The following ARID5B variants were observed in gnomAD, a reference collection of about 807,000 sequenced individuals.
The protein encoded by ARID5B is AT-rich interaction domain 5B.
A neutral mutation model predicts 97.2 loss-of-function variants in ARID5B; 13 were observed. The ratio of observed to expected loss-of-function variants is 0.13; its 90% CI spans 0.09 to 0.21. The LOEUF (loss-of-function observed/expected upper bound fraction) is 0.21. Ranked by LOEUF, ARID5B falls within the 10% of genes least tolerant of loss-of-function variation. The pLI, the probability that ARID5B is intolerant of heterozygous loss-of-function variation, is 1.00. For synonymous variants in ARID5B, 556 were observed against 570.3 expected (o/e 0.97, Z 0.36); for missense variants, 1,210 against 1,465.3 (o/e 0.83, Z 2.84).
intron 3 of ARID5B, among the ~76,000 whole-genome samples, chr10:61,989,729 T>C (rs959156602): frequency 6.6e-6 from 1 of 152,234 alleles, no homozygotes; most frequent in African/African-American, 2.4e-5. Flanking sequence ...CGTTAACCTT[T>C]ATTAGTTTGG....
At chr10:62,017,537 G>A (rs544437567) in intron 4 of ARID5B, among the ~76,000 whole-genome samples, 55 of 151,924 alleles carry the variant, frequency 3.6e-4, no homozygotes, top group African/African-American at 1.2e-3. Context: ...TCTGAGTCAG[G>A]CCACATATTA....
intron 2 of ARID5B, among the ~76,000 whole-genome samples, chr10:61,924,401 G>T (rs1844067527): frequency 6.6e-6 from 1 of 152,198 alleles, no homozygotes; most frequent in Non-Finnish European, 1.5e-5. Context: ...TTTGACTGAA[G>T]CCTGAATCAT....
At chr10:61,956,105 C>T (rs1250255362) in intron 3 of ARID5B, among the ~76,000 whole-genome samples, 2 of 152,064 alleles carry the variant, frequency 1.3e-5, no homozygotes, top group Non-Finnish European at 2.9e-5. Context: ...AACAGGGGTC[C>T]CCAATCCCCG....
At position 62,015,462 on chromosome 10, in the gene ARID5B, C is replaced by G. The variant is rs192492645; in HGVS notation, c.733+15141C>G. 5.3e-5 allele frequency among the ~76,000 whole-genome samples: 8 copies of G among 152,282 alleles called. 1 individual carries two copies. The South Asian group carries it at 1.4e-3, about 28-fold the overall frequency. On this transcript the variant is annotated intron_variant, in intron 4 of 9. Coordinates refer to ENST00000279873, the MANE Select transcript of ARID5B (RefSeq NM_032199.3). ...TCTTTTCAGTAGCCTATCAACTGTT[C>G]TAATTCATTTAAATAATGATTATGA...
Position 62,000,071 on chromosome 10 carries a change from G to C in ARID5B, c.503-20G>C, listed in dbSNP as rs746180814. On this transcript the variant is annotated intron_variant, in intron 3 of 9. Coordinates refer to ENST00000279873, the MANE Select transcript of ARID5B (RefSeq NM_032199.3). The surrounding 1 kb of genome is among the most constrained non-coding windows in gnomAD (Gnocchi z 4.4). Reference sequence around the variant, plus strand: ...TGTCAGAGGGAAGAGGGTAATGGAAGTGTTTTCTCGTTTGTCTAGGGGAGG... The same window carrying C: ...TGTCAGAGGGAAGAGGGTAATGGAACTGTTTTCTCGTTTGTCTAGGGGAGG... 3 of 1,609,062 alleles carry C rather than the reference G, an allele frequency of 1.9e-6. No individual in the cohort carries two copies. The highest frequency in any genetic ancestry group is 2.6e-6 in the Non-Finnish European group (3 of 1,175,720).
intron 2 of ARID5B, among the ~76,000 whole-genome samples, chr10:61,914,739 T>C: frequency 6.6e-6 from 1 of 152,242 alleles, no homozygotes; most frequent in East Asian, 1.9e-4. Flanking sequence ...ACATATAAAT[T>C]AAATATAAAT....
At chr10:62,037,042 A>G (rs568657496) in intron 4 of ARID5B, among the ~76,000 whole-genome samples, 2 of 152,342 alleles carry the variant, frequency 1.3e-5, no homozygotes, top group South Asian at 4.1e-4. Flanking sequence ...TTGTCTTGTC[A>G]TGACTCTCCG....
At chr10:61,920,102 A>G (rs77285807) in intron 2 of ARID5B, among the ~76,000 whole-genome samples, 1 of 152,122 alleles carries the variant, frequency 6.6e-6, no homozygotes, top group Non-Finnish European at 1.5e-5. Flanking sequence ...ATATTGAGAT[A>G]TCTCAGTTGT....
rs1839388540 is a variant in ARID5B, at chr10:62,024,041, T to C, written c.733+23720T>C. 2.0e-5 allele frequency among the ~76,000 whole-genome samples: 3 copies of C among 152,216 alleles called. No individual in the cohort carries two copies. The South Asian group carries it at 6.2e-4, about 31-fold the overall frequency. ...AGCCTTGATTTCCCTAGTTTTAAAA[T>C]GGGGATGATAATCCTCTCAGCACAG... On this transcript the variant is annotated intron_variant, in intron 4 of 9. Transcript: ENST00000279873.
chr10:61,916,899 T>C (rs1233179035), intron 2 of ARID5B, among the ~76,000 whole-genome samples: 1 of 152,138 alleles, frequency 6.6e-6, no homozygotes, highest in Non-Finnish European at 1.5e-5. Flanking sequence ...GTAAGTGCCC[T>C]CTGGGTCAGG....
At chr10:62,023,839 T>C (rs1355315982) in intron 4 of ARID5B, among the ~76,000 whole-genome samples, 1 of 152,220 alleles carries the variant, frequency 6.6e-6, no homozygotes, top group African/African-American at 2.4e-5. Flanking sequence ...CCTAGGCACA[T>C]TGAAGGACAC....
At chr10:61,937,845 A>G (rs1844332673) in intron 2 of ARID5B, among the ~76,000 whole-genome samples, 1 of 152,160 alleles carries the variant, frequency 6.6e-6, no homozygotes, top group Non-Finnish European at 1.5e-5. Context: ...TTTTCTATAT[A>G]TATGTTGGCT....
intron 8 of ARID5B, among the ~76,000 whole-genome samples, chr10:62,075,942 T>A (rs1840126795): frequency 6.6e-6 from 1 of 152,224 alleles, no homozygotes; most frequent in African/African-American, 2.4e-5. Flanking sequence ...CAATCGGTGT[T>A]TTTTGGACAT....
chr10:62,033,297 G>A (rs1031808783), intron 4 of ARID5B, among the ~76,000 whole-genome samples: 4 of 152,088 alleles, frequency 2.6e-5, no homozygotes, highest in South Asian at 2.1e-4. Flanking sequence ...TCACTCTCTC[G>A]CGTGCACTGT....
chr10:61,933,670 T>C (rs1256707462), intron 2 of ARID5B, among the ~76,000 whole-genome samples: 2 of 152,234 alleles, frequency 1.3e-5, no homozygotes, highest in Admixed American at 6.5e-5. Context: ...AAATCTCTTA[T>C]TCTGAGCAAT....
intron 3 of ARID5B, among the ~76,000 whole-genome samples, chr10:61,965,521 A>C (rs146184754): frequency 1.3e-5 from 2 of 152,166 alleles, no homozygotes; most frequent in Admixed American, 6.5e-5. Context: ...TGTCATGTAG[A>C]TGAGTTAGTA....
intron 4 of ARID5B, among the ~76,000 whole-genome samples, chr10:62,016,091 T>C (rs1019586514): frequency 3.3e-5 from 5 of 152,244 alleles, no homozygotes; most frequent in African/African-American, 1.2e-4. Flanking sequence ...GCTGGCTCTA[T>C]TCTCATAGGT....
At chr10:62,065,949 A>G (rs1227488812) in intron 7 of ARID5B, among the ~76,000 whole-genome samples, 2 of 151,994 alleles carry the variant, frequency 1.3e-5, no homozygotes, top group East Asian at 3.9e-4. Flanking sequence ...TATAACCAGG[A>G]GGCCTGAGGC....
chr10:62,030,093 T>G (rs1839476401), intron 4 of ARID5B, among the ~76,000 whole-genome samples: 1 of 151,962 alleles, frequency 6.6e-6, no homozygotes, highest in African/African-American at 2.4e-5. Flanking sequence ...GAAATACACA[T>G]GTCAGGAAAA....
Sources: allele counts gnomAD v4.1 joint callset (sites outside exome capture counted in the v4.1 genomes callset), GRCh38; gene constraint gnomAD v4.1.1; non-coding constraint Gnocchi (gnomAD v3.1); transcripts MANE v1.5; gene names NCBI Gene and HGNC (gene_info 2026-07-23, HGNC 2026-07-21).